ZNF276: variants seen among roughly 807,000 people sequenced by gnomAD.
The protein encoded by ZNF276 is centromere protein Z.
In ZNF276, 59 loss-of-function variants were observed where a neutral mutation model predicts 63.9. That is an observed-to-expected ratio of 0.92 (90% CI 0.75 to 1.15). The LOEUF is 1.15. Ranked by LOEUF, ZNF276 falls within the 50% of genes most tolerant of loss-of-function variation. The pLI, the probability that ZNF276 is intolerant of heterozygous loss-of-function variation, is 0.00. For missense variants in ZNF276, 1,084 were observed against 843.8 expected (o/e 1.28, Z -3.53); for synonymous variants, 496 against 348.4 (o/e 1.42, Z -4.72).
At chr16:89,728,363 T>G (rs1398954364) in intron 5 of ZNF276, among the ~76,000 whole-genome samples, 2 of 152,070 alleles carry the variant, frequency 1.3e-5, no homozygotes, top group Non-Finnish European at 2.9e-5. Flanking sequence ...TAGCTGGGAT[T>G]ACAGGCGCCC....
At chr16:89,723,887 G>A (rs938379179) in intron 4 of ZNF276, among the ~76,000 whole-genome samples, 178 bp downstream of exon 4, 2 of 152,230 alleles carry the variant, frequency 1.3e-5, no homozygotes, top group Admixed American at 1.3e-4. Flanking sequence ...AGCAGGGAGG[G>A]GCGGCCAGCC....
chr16:89,735,127 T>C (rs1367755186), intron 9 of ZNF276, among the ~76,000 whole-genome samples: 1 of 151,686 alleles, frequency 6.6e-6, no homozygotes, highest in Admixed American at 6.6e-5. Flanking sequence ...TGAGACACTG[T>C]CTCAAAAAAA....
At position 89,739,094 on chromosome 16, in the gene ZNF276, G is replaced by C. The variant is rs751344774; in HGVS notation, c.*848G>C. ...TTGGCAGAAGGAGCCTCCGGCTGGG[G>C]GGAGCTCCCCTGGAGGTGGGACTGG... is the stretch of plus-strand genomic sequence containing the variant. On this transcript the variant is annotated 3_prime_UTR_variant, in exon 11 of 11. Coordinates refer to ENST00000443381, the MANE Select transcript of ZNF276 (RefSeq NM_001113525.2). 1 of 1,613,934 alleles carries C rather than the reference G, an allele frequency of 6.2e-7. No individual in the cohort carries two copies. The highest frequency in any genetic ancestry group is 1.7e-5 in the Admixed American group (1 of 60,028).
chr16:89,740,559 C>T lies in ZNF276; in HGVS notation c.*2313C>T. 1 of 542,628 alleles carries T rather than the reference C, an allele frequency of 1.8e-6. No homozygotes were observed. Among genetic ancestry groups the T allele is most frequent in the Non-Finnish European group, 3.3e-6 (1 of 304,244 alleles). The allele number at this position is 542,628 out of a possible 1,614,324, so 33.6% of individuals were successfully genotyped here. A position where few individuals can be genotyped will look rare whatever the true frequency, so the allele number is the denominator to read the frequency against. ...GCTGATGCAGGAGAATTGCTTGAACCCAGGAGGCTGAGGTTGCAGTGAGCT... is the reference window on the plus strand; with the variant it reads ...GCTGATGCAGGAGAATTGCTTGAACTCAGGAGGCTGAGGTTGCAGTGAGCT... On this transcript the variant is annotated 3_prime_UTR_variant, in exon 11 of 11. Coordinates refer to ENST00000443381, the MANE Select transcript of ZNF276 (RefSeq NM_001113525.2).
chr16:89,720,744 C>A, upstream of ZNF276: 1 of 1,432,290 alleles, frequency 7.0e-7, no homozygotes, highest in South Asian at 1.4e-5. Context: ...GGCCAAGCCC[C>A]GCCCCCGCCC....
Position 89,723,646 on chromosome 16 carries a change from G to C in ZNF276, c.943G>C (p.Asp315His), listed in dbSNP as rs537167138. ...TGTGGCCCAGCCTCCTTCGGACAGC[G>C]ACGCGGTGGGGCCCAGGTCGGGCTT... is the stretch of plus-strand genomic sequence containing the variant. Reference protein sequence around the residue: ...TDVAQPPSDSDAVGPRSGFPP... With the variant: ...TDVAQPPSDSHAVGPRSGFPP... Residue 315 changes from aspartate to histidine, a missense_variant, in exon 4 of 11, where the codon GAC becomes CAC. Transcript: ENST00000443381. 1.2e-5 allele frequency: 20 copies of C among 1,612,494 alleles called. No individual in the cohort carries two copies. Among genetic ancestry groups the C allele is most frequent in the Admixed American group, 3.3e-5 (2 of 60,008 alleles).
At chr16:89,737,721 C>G in intron 9 of ZNF276, 85 bp from the exon 10 acceptor site, 1 of 1,599,512 alleles carries the variant, frequency 6.3e-7, no homozygotes, top group East Asian at 2.2e-5. Flanking sequence ...GTCTTCCCAG[C>G]TGTGATGGTT....
chr16:89,735,324 A>G (rs2061821126), intron 9 of ZNF276, among the ~76,000 whole-genome samples: 2 of 152,154 alleles, frequency 1.3e-5, no homozygotes, highest in Non-Finnish European at 1.5e-5. Context: ...GGACAACTGT[A>G]TATTGATCCT....
chr16:89,733,636 C>T, intron 8 of ZNF276, 79 bp downstream of exon 8: 1 of 1,525,050 alleles, frequency 6.6e-7, no homozygotes, highest in Non-Finnish European at 9.1e-7. Context: ...TTTCTGCAGC[C>T]TAACTCAGAC....
At chr16:89,735,154 C>T (rs747854139) in intron 9 of ZNF276, among the ~76,000 whole-genome samples, 4 of 151,950 alleles carry the variant, frequency 2.6e-5, no homozygotes, top group Admixed American at 1.3e-4. Flanking sequence ...GTTTGAACCA[C>T]GTGGACCCAC....
At chr16:89,733,448 G>A (rs370533397) in intron 7 of ZNF276, 34 bp from the exon 8 acceptor site, 39 of 1,614,076 alleles carry the variant, frequency 2.4e-5, no homozygotes, top group East Asian at 2.2e-4. Context: ...CCTGCCTGTC[G>A]GGGCCGGGGC....
At position 89,740,075 on chromosome 16, in the gene ZNF276, A is replaced by G. The variant is rs1470679036; in HGVS notation, c.*1829A>G. 6 of 1,614,188 alleles carry G rather than the reference A, an allele frequency of 3.7e-6. No homozygotes were observed. The highest frequency in any genetic ancestry group is 5.1e-6 in the Non-Finnish European group (6 of 1,180,032). ...TCGAGGATTGCTGCACAAACGTGGA[A>G]AGCCTTTGGCAGGTCTGTGGTGCTC... is the stretch of plus-strand genomic sequence containing the variant. On this transcript the variant is annotated 3_prime_UTR_variant, in exon 11 of 11. Coordinates refer to ENST00000443381, the MANE Select transcript of ZNF276 (RefSeq NM_001113525.2).
rs777126589 is a variant in ZNF276, at chr16:89,739,861, C to T, written c.*1615C>T. ...TGCTTTAAACAAGTTTGTGCTTAAT[C>T]TGTCCCAACTAAAATGGAGCTTATA... On this transcript the variant is annotated 3_prime_UTR_variant, in exon 11 of 11. Transcript: ENST00000443381. 2 of 1,534,400 alleles carry T rather than the reference C, an allele frequency of 1.3e-6. No individual in the cohort carries two copies. Among genetic ancestry groups the T allele is most frequent in the Non-Finnish European group, 1.7e-6 (2 of 1,143,560 alleles).
Position 89,738,457 on chromosome 16 carries a change from C to A in ZNF276, c.*211C>A. 1 of 1,417,908 alleles carries A rather than the reference C, an allele frequency of 7.1e-7. No individual in the cohort carries two copies. The highest frequency in any genetic ancestry group is 1.2e-5 in the South Asian group (1 of 81,986). The allele number at this position is 1,417,908 out of a possible 1,614,324, so 87.8% of individuals were successfully genotyped here. ...AAACGCTGAGTGACTCGGGGCCGGA[C>A]AGTTCATAAATAATTGATTCCTTTC... On this transcript the variant is annotated 3_prime_UTR_variant, in exon 11 of 11. Transcript: ENST00000443381.
rs756173179 is a variant in ZNF276, at chr16:89,738,290, A to G, written c.*44A>G. On this transcript the variant is annotated 3_prime_UTR_variant, in exon 11 of 11. Transcript: ENST00000443381. ...GCACCTCTAGCAGCCTGGACTCCGC[A>G]GTGGCTGTGTCAGCCTCACCCTTCG... The G allele has an allele frequency of 3.2e-6, 5 of 1,547,074 alleles. No individual in the cohort carries two copies. Among genetic ancestry groups the G allele is most frequent in the South Asian group, 2.4e-5 (2 of 84,662 alleles).
chr16:89,737,182 C>T (rs1006809735), intron 9 of ZNF276, among the ~76,000 whole-genome samples: 7 of 152,166 alleles, frequency 4.6e-5, no homozygotes, highest in African/African-American at 1.7e-4. Flanking sequence ...ACAGCCATAG[C>T]TGTGACAATC....
intron 9 of ZNF276, among the ~76,000 whole-genome samples, chr16:89,736,322 C>T (rs1212001989): frequency 1.3e-5 from 2 of 148,798 alleles, no homozygotes; most frequent in Non-Finnish European, 3.0e-5. Flanking sequence ...CCACCGTGCC[C>T]AGCCCCCAAT....
chr16:89,740,495 T>C lies in ZNF276; in HGVS notation c.*2249T>C. ...ACTAAAAATACAAAAATTAGCCGGG[T>C]GTGACAGACTCACGCCTGTAATCCC... is the stretch of plus-strand genomic sequence containing the variant. On this transcript the variant is annotated 3_prime_UTR_variant, in exon 11 of 11. Coordinates refer to ENST00000443381, the MANE Select transcript of ZNF276 (RefSeq NM_001113525.2). The C allele has an allele frequency of 2.1e-6, 1 of 475,772 alleles. No individual in the cohort carries two copies. Among genetic ancestry groups the C allele is most frequent in the South Asian group, 2.4e-5 (1 of 42,470 alleles). 29.5% of individuals were successfully genotyped at this position (475,772 alleles called of 1,614,324 possible).
At chr16:89,729,802 C>T (rs1244192868) in intron 6 of ZNF276, among the ~76,000 whole-genome samples, 1 of 152,242 alleles carries the variant, frequency 6.6e-6, no homozygotes, top group Non-Finnish European at 1.5e-5. Context: ...CCACGGTCCA[C>T]TTCCCTGTTG....
Sources: gnomAD v4.1 joint callset for allele counts (sites outside exome capture counted in the v4.1 genomes callset) on GRCh38, gnomAD v4.1.1 for gene constraint, MANE v1.5 for transcripts, NCBI Gene and HGNC (gene_info 2026-07-23, HGNC 2026-07-21) for gene names.